Variants in COL25A1 observed in about 807,000 individuals in gnomAD.
COL25A1 encodes collagen alpha-1(XXV) chain.
COL25A1 carries 103 observed loss-of-function variants against 128.4 expected under a neutral mutation model. The observed-to-expected ratio is 0.80, with a 90% confidence interval of 0.68 to 0.94. COL25A1 has a LOEUF of 0.94. Ranked by LOEUF, COL25A1 falls within the 40% of genes least tolerant of loss-of-function variation. COL25A1 has a pLI of 0.00. For synonymous variants in COL25A1, 279 were observed against 277.2 expected, an observed-to-expected ratio of 1.01 and a Z score of -0.06; for missense variants, 745 against 840.0, an observed-to-expected ratio of 0.89 and a Z score of 1.40.
At chr4:109,005,335 G>A (rs1234608412) in intron 6 of COL25A1, among the ~76,000 whole-genome samples, 1 of 152,060 alleles carries the variant, frequency 6.6e-6, no homozygotes, top group Admixed American at 6.6e-5. Context: ...TCACCCCTAT[G>A]ATCCAATCAC....
intron 3 of COL25A1, among the ~76,000 whole-genome samples, chr4:109,273,492 C>G (rs1377989887): frequency 6.6e-6 from 1 of 152,046 alleles, no homozygotes; most frequent in Non-Finnish European, 1.5e-5. Flanking sequence ...AGTAATATAA[C>G]CTTTATATTT....
intron 3 of COL25A1, among the ~76,000 whole-genome samples, chr4:109,084,842 G>A (rs1404874308): frequency 6.6e-6 from 1 of 152,124 alleles, no homozygotes; most frequent in South Asian, 2.1e-4. Context: ...GCAATATACT[G>A]TCTAGTACTC....
intron 5 of COL25A1, among the ~76,000 whole-genome samples, chr4:109,012,937 G>C (rs2126049239): frequency 6.6e-6 from 1 of 152,382 alleles, no homozygotes; most frequent in East Asian, 1.9e-4. Flanking sequence ...GGGCTCCTGA[G>C]TCAGGTGGGA....
At chr4:108,985,771 C>T (rs1753612714) in intron 6 of COL25A1, among the ~76,000 whole-genome samples, 1 of 152,204 alleles carries the variant, frequency 6.6e-6, no homozygotes, top group Admixed American at 6.5e-5. Flanking sequence ...CTACTTCCCT[C>T]ATTAGCTATG....
In COL25A1 at chr4:109,064,116, TA is replaced by T. The variant is rs560904767; in HGVS notation, c.368-13938del. Among the ~76,000 whole-genome samples the T allele has an allele frequency of 9.5e-4, 144 of 152,296 alleles. 1 individual carries two copies. The highest frequency in any genetic ancestry group is 3.4e-3 in the African/African-American group (140 of 41,582). The stretch of plus-strand genomic sequence containing the variant: ...ACGGTCACCAAGGATTTGAGCCTTA[TA>T]GAATAGAAAATCGGTGGTACTATTT... On this transcript the variant is annotated intron_variant, in intron 3 of 37. Transcript: ENST00000399132.
intron 3 of COL25A1, among the ~76,000 whole-genome samples, chr4:109,173,795 T>C (rs1773811459): frequency 6.6e-6 from 1 of 152,192 alleles, no homozygotes; most frequent in Non-Finnish European, 1.5e-5. Context: ...TATTATCTTA[T>C]CCAAAATGCT....
At chr4:108,905,260 T>C (rs907881596) in intron 13 of COL25A1, among the ~76,000 whole-genome samples, 3 of 152,070 alleles carry the variant, frequency 2.0e-5, no homozygotes, top group Non-Finnish European at 4.4e-5. Flanking sequence ...CTAGTCCTAA[T>C]GGAGATGGAC....
At chr4:109,209,242 A>AT (rs1168716109) in intron 3 of COL25A1, among the ~76,000 whole-genome samples, 3 of 152,186 alleles carry the variant, frequency 2.0e-5, no homozygotes, top group African/African-American at 7.2e-5. Context: ...ATCTATTTCT[A>AT]TTTCCAAAAG....
intron 6 of COL25A1, among the ~76,000 whole-genome samples, chr4:108,976,629 G>A (rs1252463364): frequency 6.6e-6 from 1 of 152,208 alleles, no homozygotes; most frequent in Non-Finnish European, 1.5e-5. Context: ...AAAGGACAAG[G>A]CTGGACAGGA....
intron 17 of COL25A1, 101 bp downstream of exon 17, chr4:108,889,600 G>T: frequency 9.9e-7 from 1 of 1,005,858 alleles, no homozygotes; most frequent in Non-Finnish European, 1.6e-6. Flanking sequence ...TAAGAACAGA[G>T]TTATAACCAT....
At chr4:108,922,476 T>G (rs1350789683) in intron 11 of COL25A1, among the ~76,000 whole-genome samples, 1 of 152,166 alleles carries the variant, frequency 6.6e-6, no homozygotes, top group Non-Finnish European at 1.5e-5. Flanking sequence ...AAAATGTTGC[T>G]CACTAAAATT....
intron 24 of COL25A1, among the ~76,000 whole-genome samples, chr4:108,858,412 A>G (rs1736768708): frequency 6.6e-6 from 1 of 152,200 alleles, no homozygotes; most frequent in South Asian, 2.1e-4. Context: ...ATACTTTGAA[A>G]AAGGAAATAG....
chr4:109,023,226 C>A (rs1372657899), intron 5 of COL25A1, among the ~76,000 whole-genome samples: 2 of 152,164 alleles, frequency 1.3e-5, no homozygotes, highest in African/African-American at 2.4e-5. Flanking sequence ...AACCAATGGA[C>A]CAAGGCACAA....
intron 3 of COL25A1, among the ~76,000 whole-genome samples, chr4:109,269,655 GT>G (rs1289060825): frequency 6.6e-6 from 1 of 151,456 alleles, no homozygotes; most frequent in Non-Finnish European, 1.5e-5. Context: ...TCTCATTGTG[GT>G]TTTGATTTGC....
At chr4:108,956,636 C>A (rs1439209286) in intron 8 of COL25A1, among the ~76,000 whole-genome samples, 2 of 152,184 alleles carry the variant, frequency 1.3e-5, no homozygotes, top group African/African-American at 4.8e-5. Flanking sequence ...GAACTCCTGA[C>A]CTCAGGTGAT....
At chr4:109,108,311 G>C (rs1442727061) in intron 3 of COL25A1, among the ~76,000 whole-genome samples, 3 of 152,164 alleles carry the variant, frequency 2.0e-5, no homozygotes, top group South Asian at 2.1e-4. Flanking sequence ...ATAGTTTGCT[G>C]AGAATGATGG....
At chr4:109,257,206 A>G (rs1312962049) in intron 3 of COL25A1, among the ~76,000 whole-genome samples, 2 of 152,214 alleles carry the variant, frequency 1.3e-5, no homozygotes, top group Non-Finnish European at 2.9e-5. Context: ...TCATGTTCCC[A>G]CAACTTGTCT....
At chr4:108,828,963 C>T (rs1354718391) in intron 32 of COL25A1, among the ~76,000 whole-genome samples, 1 of 152,148 alleles carries the variant, frequency 6.6e-6, no homozygotes, top group Non-Finnish European at 1.5e-5. Context: ...CTAATTAACA[C>T]TGTCACCTAG....
At chr4:108,918,430 T>C (rs1745116259) in intron 12 of COL25A1, among the ~76,000 whole-genome samples, 1 of 152,194 alleles carries the variant, frequency 6.6e-6, no homozygotes, top group South Asian at 2.1e-4. Context: ...CTTCTAAGTA[T>C]CCACTTAACT....
Sources: allele counts gnomAD v4.1 joint callset (sites outside exome capture counted in the v4.1 genomes callset), GRCh38; gene constraint gnomAD v4.1.1; transcripts MANE v1.5; gene names NCBI Gene and HGNC (gene_info 2026-07-23, HGNC 2026-07-21).